The following TECPR2 variants were observed in gnomAD, a reference collection of about 807,000 sequenced individuals.
TECPR2 encodes the protein tectonin beta-propeller repeat-containing protein 2.
In TECPR2, 65 loss-of-function variants were observed where a neutral mutation model predicts 138.1. That is an observed-to-expected ratio of 0.47 (90% CI 0.39 to 0.58). TECPR2 has a LOEUF of 0.58. TECPR2 is among the 20% of genes least tolerant of loss of function. The pLI is 0.00. For missense variants in TECPR2, 1,553 were observed against 1,824.5 expected (o/e 0.85, Z 2.71); for synonymous variants, 746 against 749.8 (o/e 0.99, Z 0.08).
chr14:102,493,484 A>G (rs568044304), intron 17 of TECPR2, among the ~76,000 whole-genome samples: 10 of 152,108 alleles, frequency 6.6e-5, no homozygotes, highest in Admixed American at 2.6e-4. Context: ...CGCTTCCCCA[A>G]ATCTGCACCT....
At chr14:102,454,557 T>A (rs952890042) in intron 16 of TECPR2, among the ~76,000 whole-genome samples, 1 of 152,204 alleles carries the variant, frequency 6.6e-6, no homozygotes, top group African/African-American at 2.4e-5. Flanking sequence ...CAGTGACTGA[T>A]AGACAAGGCT....
intron 13 of TECPR2, among the ~76,000 whole-genome samples, chr14:102,448,882 C>A (rs984154361): frequency 1.3e-5 from 2 of 151,850 alleles, no homozygotes; most frequent in Non-Finnish European, 2.9e-5. Context: ...AAAAAAAGTT[C>A]ATCACTCTAC....
chr14:102,377,972 G>A (rs939792024), intron 2 of TECPR2, among the ~76,000 whole-genome samples: 2 of 152,226 alleles, frequency 1.3e-5, no homozygotes, highest in African/African-American at 4.8e-5. Flanking sequence ...TGTTTCTGCA[G>A]TGCTGTGGAC....
At chr14:102,435,457 T>C (rs747742635) in intron 9 of TECPR2, among the ~76,000 whole-genome samples, 6 of 152,212 alleles carry the variant, frequency 3.9e-5, no homozygotes, top group African/African-American at 7.2e-5. Flanking sequence ...GGTAGCGTCT[T>C]GCTGTTTCCT....
At position 102,499,537 on chromosome 14, in the gene TECPR2, G is replaced by T. The variant is rs898924476; in HGVS notation, c.*1280G>T. The stretch of plus-strand genomic sequence containing the variant: ...GTCACGGGACCTGCGGGCTGGCTCC[G>T]AGTGGCAGCCCATGCCTTCTGCGGG... On this transcript the variant is annotated 3_prime_UTR_variant, in exon 20 of 20. Transcript: ENST00000359520. 8 of 407,086 alleles carry T rather than the reference G, an allele frequency of 2.0e-5. No homozygotes were observed. Among genetic ancestry groups the T allele is most frequent in the Non-Finnish European group, 3.6e-5 (8 of 220,360 alleles). The allele number at this position is 407,086 out of a possible 1,614,324, so 25.2% of individuals were successfully genotyped here.
chr14:102,492,373 A>C (rs1306034095), intron 17 of TECPR2, among the ~76,000 whole-genome samples: 1 of 152,222 alleles, frequency 6.6e-6, no homozygotes, highest in Non-Finnish European at 1.5e-5. Flanking sequence ...GGCAGCAGCC[A>C]GGGCCGGGGC....
At chr14:102,447,512 G>A (rs1382134282) in intron 13 of TECPR2, among the ~76,000 whole-genome samples, 1 of 152,130 alleles carries the variant, frequency 6.6e-6, no homozygotes, top group African/African-American at 2.4e-5. Flanking sequence ...AGATTTCACT[G>A]ATAGTCGATG....
At chr14:102,390,054 C>A (rs1356710625) in intron 2 of TECPR2, among the ~76,000 whole-genome samples, 1 of 152,164 alleles carries the variant, frequency 6.6e-6, no homozygotes, top group Non-Finnish European at 1.5e-5. Context: ...CAGATCAATT[C>A]TTTGGTATGC....
chr14:102,492,313 C>T (rs558132647), intron 17 of TECPR2, among the ~76,000 whole-genome samples: 42 of 152,262 alleles, frequency 2.8e-4, no homozygotes, highest in African/African-American at 8.2e-4. Context: ...CATGAGCTTC[C>T]GTCGTGTAAA....
At chr14:102,403,868 T>C (rs1006777410) in intron 2 of TECPR2, among the ~76,000 whole-genome samples, 2 of 152,014 alleles carry the variant, frequency 1.3e-5, no homozygotes, top group African/African-American at 4.8e-5. Flanking sequence ...TAGAAACACA[T>C]TGTATGTTGA....
chr14:102,395,316 G>A (rs551788669), intron 2 of TECPR2, among the ~76,000 whole-genome samples: 2 of 152,132 alleles, frequency 1.3e-5, no homozygotes, highest in South Asian at 2.1e-4. Flanking sequence ...TGCATATTTG[G>A]CAGGTTGATT....
In TECPR2 at chr14:102,376,787, C is replaced by T; in HGVS notation, c.66C>T (p.Ala22=). The part of the protein sequence containing the change: ...EFCPLYYLLN[A]IPTKIQKGFR... ...GCCCGTTGTACTATCTCCTCAATGC[C>T]ATTCCGACAAAGATCCAGAAGGGTT... is the stretch of plus-strand genomic sequence containing the variant. The change falls in exon 2 of 20, where the codon GCC becomes GCT. Residue 22 remains alanine, a synonymous_variant. Transcript: ENST00000359520. The T allele has an allele frequency of 6.2e-7, 1 of 1,614,214 alleles. No individual in the cohort carries two copies.
chr14:102,432,218 C>G (rs936669978), intron 8 of TECPR2, 90 bp downstream of exon 8: 38 of 1,273,176 alleles, frequency 3.0e-5, no homozygotes, highest in Non-Finnish European at 3.5e-5. Context: ...GAGCAATGCT[C>G]CATACATCCA....
chr14:102,463,030 C>T (rs1381109068), intron 16 of TECPR2, among the ~76,000 whole-genome samples: 3 of 152,148 alleles, frequency 2.0e-5, no homozygotes, highest in Admixed American at 1.3e-4. Context: ...GAATGGCTGC[C>T]GTGGAAAAGG....
At position 102,438,218 on chromosome 14, in the gene TECPR2, G is replaced by C; in HGVS notation, c.2578+13G>C. 1 of 870,526 alleles carries C rather than the reference G, an allele frequency of 1.1e-6. No homozygotes were observed. The highest frequency in any genetic ancestry group is 4.2e-4 in the Middle Eastern group (1 of 2,404). The allele number at this position is 870,526 out of a possible 1,614,324, so 53.9% of individuals were successfully genotyped here. ...GTCTCGCCCTCAGGTTCGCCTCCCC[G>C]CTCCCTGCTCCCGCTCCCTGCTCCC... On this transcript the variant is annotated intron_variant, in intron 10 of 19. Transcript: ENST00000359520.
chr14:102,383,700 G>A (rs1053931615), intron 2 of TECPR2, among the ~76,000 whole-genome samples: 10 of 150,880 alleles, frequency 6.6e-5, no homozygotes, highest in African/African-American at 2.2e-4. Flanking sequence ...GAGCCACTGC[G>A]CCCGGTCCCG....
intron 17 of TECPR2, among the ~76,000 whole-genome samples, chr14:102,478,447 G>C (rs113724813): frequency 0.096 from 14,530 of 151,924 alleles, 999 homozygotes; most frequent in African/African-American, 0.2. Context: ...TTGGGAGGTC[G>C]AGGCGGGTAG....
At chr14:102,404,176 T>A (rs1888582957) in intron 2 of TECPR2, among the ~76,000 whole-genome samples, 1 of 152,110 alleles carries the variant, frequency 6.6e-6, no homozygotes, top group Non-Finnish European at 1.5e-5. Flanking sequence ...AATTGTGGGA[T>A]TACAGGCATG....
rs556010889 is a variant in TECPR2, at chr14:102,486,068, A to AC, written c.3790-10906dup. On this transcript the variant is annotated intron_variant, in intron 17 of 19. Transcript: ENST00000359520. ...TGCTTCTGAGCGTTTTCTTTAGCGC[A>AC]CCCCCTACAATTAGCAGATGCAGCT... Among the ~76,000 whole-genome samples, 100 of 152,132 alleles carry AC rather than the reference A, an allele frequency of 6.6e-4. No individual in the cohort carries two copies. The East Asian group carries it at 0.019, about 29-fold the overall frequency.
Sources: allele counts gnomAD v4.1 joint callset (sites outside exome capture counted in the v4.1 genomes callset), GRCh38; gene constraint gnomAD v4.1.1; transcripts MANE v1.5; gene names NCBI Gene and HGNC (gene_info 2026-07-23, HGNC 2026-07-21).